Variants in SOX5 observed in about 807,000 individuals in gnomAD.
SOX5 encodes the protein transcription factor SOX-5.
Under a neutral mutation model 92.0 loss-of-function variants are expected in SOX5, and 9 were observed. The observed-to-expected ratio is 0.10, with a 90% confidence interval of 0.06 to 0.17. The LOEUF (loss-of-function observed/expected upper bound fraction) is 0.17, where lower values mean the gene tolerates loss of function less well. Ranked by LOEUF, SOX5 falls within the 10% of genes least tolerant of loss-of-function variation. The pLI, the probability that SOX5 is intolerant of heterozygous loss-of-function variation, is 1.00. For synonymous variants in SOX5, 344 were observed against 336.3 expected (o/e 1.02, Z -0.25); for missense variants, 642 against 944.5 (o/e 0.68, Z 4.20).
intron 8 of SOX5, among the ~76,000 whole-genome samples, chr12:23,614,906 A>G (rs2076374745): frequency 6.6e-6 from 1 of 152,176 alleles, no homozygotes; most frequent in African/African-American, 2.4e-5. Flanking sequence ...GGTTAAAGCA[A>G]TTCTACTGTC....
At chr12:24,520,850 T>C (rs1412580890) in intron 1 of SOX5, among the ~76,000 whole-genome samples, 1 of 152,170 alleles carries the variant, frequency 6.6e-6, no homozygotes, top group African/African-American at 2.4e-5. Context: ...CTATACTTTA[T>C]CAGACAAAAA....
At chr12:24,029,142 C>A (rs185149263) in intron 4 of SOX5, among the ~76,000 whole-genome samples, 1 of 152,098 alleles carries the variant, frequency 6.6e-6, no homozygotes, top group African/African-American at 2.4e-5. Flanking sequence ...GTCTTAACAG[C>A]AAATACACAT....
chr12:24,264,810 T>G (rs566786020), intron 3 of SOX5, among the ~76,000 whole-genome samples: 18 of 152,288 alleles, frequency 1.2e-4, no homozygotes, highest in African/African-American at 4.1e-4. Flanking sequence ...GTAGAGGGAT[T>G]TGAGTTTTCA....
At chr12:23,817,395 C>A (rs182458646) in intron 3 of SOX5, among the ~76,000 whole-genome samples, 11 of 152,256 alleles carry the variant, frequency 7.2e-5, no homozygotes, top group Admixed American at 4.6e-4. Context: ...TATGTCTAGC[C>A]TTATTAGTTG....
intron 3 of SOX5, among the ~76,000 whole-genome samples, chr12:23,777,854 A>G (rs2095155616): frequency 6.6e-6 from 1 of 152,212 alleles, no homozygotes; most frequent in Non-Finnish European, 1.5e-5. Flanking sequence ...AAGCTGACAC[A>G]TGATACATAA....
chr12:24,091,491 G>T (rs111771814), intron 4 of SOX5, among the ~76,000 whole-genome samples: 2 of 145,606 alleles, frequency 1.4e-5, no homozygotes, highest in South Asian at 4.4e-4. Context: ...GTGCAGTGGC[G>T]CGATCTCGGC....
intron 2 of SOX5, among the ~76,000 whole-genome samples, chr12:24,301,204 T>C (rs533252075): frequency 1.3e-5 from 2 of 152,334 alleles, no homozygotes; most frequent in African/African-American, 4.8e-5. Context: ...ATGCCAATAG[T>C]AGTTATTGAA....
chr12:24,035,114 C>G (rs914363160), intron 4 of SOX5, among the ~76,000 whole-genome samples: 4 of 152,036 alleles, frequency 2.6e-5, no homozygotes, highest in African/African-American at 9.7e-5. Flanking sequence ...GCTCAATAGA[C>G]AATATACGAT....
At chr12:23,950,935 CACTT>C, upstream of SOX5, 1 of 1,458,856 alleles carries the variant, frequency 6.9e-7, no homozygotes, top group Non-Finnish European at 9.3e-7. Context: ...AGTAAGCACA[CACTT>C]ACCAACAGGA....
At chr12:23,722,279 A>G (rs1453950106) in intron 6 of SOX5, among the ~76,000 whole-genome samples, 1 of 152,212 alleles carries the variant, frequency 6.6e-6, no homozygotes, top group Non-Finnish European at 1.5e-5. Flanking sequence ...TTATTATATA[A>G]CTATGATATT....
chr12:23,790,420 A>G (rs1376095342), intron 3 of SOX5, among the ~76,000 whole-genome samples: 1 of 152,106 alleles, frequency 6.6e-6, no homozygotes, highest in Admixed American at 6.6e-5. Context: ...TTCAATAAAT[A>G]ATAGTGACTT....
chr12:24,414,004 T>C (rs1394621680), intron 1 of SOX5, among the ~76,000 whole-genome samples: 1 of 152,236 alleles, frequency 6.6e-6, no homozygotes, highest in Non-Finnish European at 1.5e-5. Flanking sequence ...CTCTAGCTTG[T>C]AGCTCTGAGT....
rs139388195 is a variant in SOX5 at position 23,787,721 on chromosome 12, G to A, written c.482-31997C>T. On this transcript the variant is annotated intron_variant, in intron 3 of 14. Coordinates refer to ENST00000451604, the MANE Select transcript of SOX5 (RefSeq NM_006940.6). ...GAAACAAACCACAGTGATTGTTGTCGTCTAATCAATCAAAGAGACTTCAAC... is the reference window on the plus strand; with the variant it reads ...GAAACAAACCACAGTGATTGTTGTCATCTAATCAATCAAAGAGACTTCAAC... 8.3e-3 allele frequency among the ~76,000 whole-genome samples: 1,263 copies of A among 151,932 alleles called. 9 individuals carry two copies. The highest frequency in any genetic ancestry group is 0.027 in the Middle Eastern group (8 of 294).
At chr12:24,248,237 T>C (rs1369676020) in intron 3 of SOX5, among the ~76,000 whole-genome samples, 11 of 152,292 alleles carry the variant, frequency 7.2e-5, no homozygotes, top group Admixed American at 5.9e-4. Context: ...TTGGGGCATG[T>C]AGTAATTTGC....
At chr12:24,217,583 T>C (rs560896087) in intron 3 of SOX5, among the ~76,000 whole-genome samples, 1 of 152,308 alleles carries the variant, frequency 6.6e-6, no homozygotes, top group African/African-American at 2.4e-5. Context: ...GGTTTAGCAA[T>C]GGGTTGTCAG....
At chr12:24,001,580 G>A (rs189685626) in intron 4 of SOX5, among the ~76,000 whole-genome samples, 88 of 152,128 alleles carry the variant, frequency 5.8e-4, no homozygotes, top group African/African-American at 2.0e-3. Context: ...CTTGTAATCC[G>A]AGTACTTTGA....
chr12:23,684,274 T>A (rs2087143692), intron 6 of SOX5, among the ~76,000 whole-genome samples: 1 of 152,050 alleles, frequency 6.6e-6, no homozygotes, highest in Admixed American at 6.6e-5. Context: ...AATGCTATAA[T>A]CACACAATTA....
intron 1 of SOX5, among the ~76,000 whole-genome samples, chr12:24,538,229 A>T (rs2078367555): frequency 6.6e-6 from 1 of 152,196 alleles, no homozygotes; most frequent in Non-Finnish European, 1.5e-5. Context: ...CCAGCCTTGC[A>T]GTTCCTCATG....
upstream of SOX5, among the ~76,000 whole-genome samples, chr12:23,951,617 A>T (rs1945649969): frequency 6.6e-6 from 1 of 150,840 alleles, no homozygotes; most frequent in South Asian, 2.1e-4. Context: ...TTAATATTTA[A>T]TTCTATCATC....
Sources: gnomAD v4.1 joint callset for allele counts (sites outside exome capture counted in the v4.1 genomes callset) on GRCh38, gnomAD v4.1.1 for gene constraint, MANE v1.5 for transcripts, NCBI Gene and HGNC (gene_info 2026-07-23, HGNC 2026-07-21) for gene names.